The following RARB variants were observed in gnomAD, a reference collection of about 807,000 sequenced individuals.
The protein encoded by RARB is retinoic acid receptor beta.
A neutral mutation model predicts 51.9 loss-of-function variants in RARB; 17 were observed. The ratio of observed to expected loss-of-function variants is 0.33; its 90% confidence interval spans 0.22 to 0.49. RARB has a LOEUF of 0.49. Among genes scored for constraint, RARB ranks in the 20% least tolerant of loss-of-function variants. The probability of loss-of-function intolerance (pLI) is 0.99; values close to 1 mark genes in which losing one functional copy is unlikely to be tolerated. For synonymous variants in RARB, 215 were observed against 195.4 expected (o/e 1.10, Z -0.84); for missense variants, 369 against 550.8 (o/e 0.67, Z 3.30).
Position 25,233,341 on chromosome 3 carries a change from TC to T in RARB, c.178+58767del, listed in dbSNP as rs553012220. Reference sequence around the variant, plus strand: ...TAACCCCATCATAAGTCAAGGAGCATCTGTATAGTAAAACAAGTGATTTTTT... The same window carrying T: ...TAACCCCATCATAAGTCAAGGAGCATTGTATAGTAAAACAAGTGATTTTTT... On this transcript the variant is annotated intron_variant, in intron 5 of 11. Transcript: ENST00000383772. 2.1e-3 allele frequency among the ~76,000 whole-genome samples: 319 copies of T among 152,284 alleles called. 1 individual carries two copies. The highest frequency in any genetic ancestry group is 7.5e-3 in the African/African-American group (310 of 41,566).
chr3:25,175,596 C>T (rs556727147), intron 5 of RARB, among the ~76,000 whole-genome samples: 6 of 152,266 alleles, frequency 3.9e-5, no homozygotes, highest in South Asian at 2.1e-4. Context: ...GTAGAATCCC[C>T]GGTACATTGC....
chr3:25,276,524 T>C (rs1353772944), intron 5 of RARB, among the ~76,000 whole-genome samples: 1 of 152,244 alleles, frequency 6.6e-6, no homozygotes, highest in Non-Finnish European at 1.5e-5. Context: ...TTTAATTCCG[T>C]ATTTCATTTT....
chr3:25,223,336 A>G (rs1293754407), intron 5 of RARB, among the ~76,000 whole-genome samples: 3 of 152,196 alleles, frequency 2.0e-5, no homozygotes, highest in Non-Finnish European at 4.4e-5. Context: ...GCTGAACAGT[A>G]TTTCATTAGG....
intron 2 of RARB, among the ~76,000 whole-genome samples, chr3:24,987,683 A>G (rs1467725978): frequency 6.6e-6 from 1 of 152,198 alleles, no homozygotes; most frequent in Non-Finnish European, 1.5e-5. Flanking sequence ...ATCCTGGTGG[A>G]AAAAGATGAT....
intron 5 of RARB, among the ~76,000 whole-genome samples, chr3:25,376,725 A>G (rs1706472115): frequency 6.6e-6 from 1 of 152,220 alleles, no homozygotes; most frequent in African/African-American, 2.4e-5. Flanking sequence ...GTATCAGGCT[A>G]TCCCAAGAAT....
chr3:25,344,388 T>G (rs78883327), intron 5 of RARB, among the ~76,000 whole-genome samples: 4,002 of 152,290 alleles, frequency 0.026, 97 homozygotes, highest in South Asian at 0.13. Flanking sequence ...AGTGTTTATG[T>G]CTGAGAGATT....
At chr3:25,330,725 G>C (rs540765973) in intron 5 of RARB, among the ~76,000 whole-genome samples, 61 of 152,280 alleles carry the variant, frequency 4.0e-4, no homozygotes, top group African/African-American at 1.5e-3. Flanking sequence ...TGGCAAATTG[G>C]ATAAAGAGTC....
At chr3:25,487,388 A>G (rs956532824) in intron 2 of RARB, among the ~76,000 whole-genome samples, 6 of 152,088 alleles carry the variant, frequency 3.9e-5, no homozygotes, top group African/African-American at 1.4e-4. Flanking sequence ...TTAAAAGTGA[A>G]AAATAATCTG....
At chr3:25,480,185 C>G (rs943370910) in intron 2 of RARB, among the ~76,000 whole-genome samples, 1 of 152,168 alleles carries the variant, frequency 6.6e-6, no homozygotes, top group Admixed American at 6.5e-5. Flanking sequence ...CCACTGAAAT[C>G]CAGTTTCATC....
chr3:25,265,724 C>T (rs1042508989), intron 5 of RARB, among the ~76,000 whole-genome samples: 16 of 152,066 alleles, frequency 1.1e-4, no homozygotes, highest in African/African-American at 2.7e-4. Context: ...CACACGCCTC[C>T]GCCTCCCAAA....
chr3:25,284,923 A>G (rs547380191), intron 5 of RARB, among the ~76,000 whole-genome samples: 5 of 152,316 alleles, frequency 3.3e-5, no homozygotes, highest in African/African-American at 1.2e-4. Flanking sequence ...GAGTCCTGGA[A>G]GCAACAAGGG....
chr3:25,015,776 ATGAAC>A (rs1449594161), intron 2 of RARB, among the ~76,000 whole-genome samples: 1 of 152,206 alleles, frequency 6.6e-6, no homozygotes, highest in Admixed American at 6.5e-5. Flanking sequence ...GCATGTGAAT[ATGAAC>A]TGCCAAGCAT....
intron 2 of RARB, among the ~76,000 whole-genome samples, chr3:24,902,660 TG>T (rs1345896421): frequency 3.3e-5 from 5 of 151,980 alleles, no homozygotes; most frequent in African/African-American, 1.2e-4. Flanking sequence ...CTCTGGTCTC[TG>T]TCTCTCTTTC....
intron 3 of RARB, among the ~76,000 whole-genome samples, chr3:25,559,051 C>A (rs1436125580): frequency 6.6e-6 from 1 of 152,092 alleles, no homozygotes; most frequent in African/African-American, 2.4e-5. Flanking sequence ...TCTCCCCCAT[C>A]CAGAATGTTT....
intron 2 of RARB, among the ~76,000 whole-genome samples, chr3:25,043,720 C>T (rs1698158514): frequency 6.6e-6 from 1 of 151,992 alleles, no homozygotes; most frequent in Non-Finnish European, 1.5e-5. Context: ...GCAAAGGTAC[C>T]CTTAAGCATT....
intron 2 of RARB, among the ~76,000 whole-genome samples, chr3:25,469,049 A>G (rs556845031): frequency 6.6e-6 from 1 of 151,960 alleles, no homozygotes; most frequent in Non-Finnish European, 1.5e-5. Context: ...AAGAGTTTAA[A>G]CTCCACTAGC....
At chr3:24,860,772 A>G (rs911553090) in intron 2 of RARB, among the ~76,000 whole-genome samples, 11 of 152,164 alleles carry the variant, frequency 7.2e-5, no homozygotes, top group Admixed American at 3.9e-4. Context: ...GTCAGGTGAT[A>G]ATGTGCTGTG....
chr3:25,381,734 G>A (rs1276076958), intron 5 of RARB, among the ~76,000 whole-genome samples: 1 of 152,186 alleles, frequency 6.6e-6, no homozygotes, highest in Non-Finnish European at 1.5e-5. Flanking sequence ...CATTACCTGG[G>A]AATCTGTTAG....
chr3:24,922,980 A>G (rs1003869031), intron 2 of RARB, among the ~76,000 whole-genome samples: 7 of 152,326 alleles, frequency 4.6e-5, no homozygotes, highest in South Asian at 4.1e-4. Flanking sequence ...CAAAGAGACT[A>G]TATTTTTTCT....
Sources: gnomAD v4.1 joint callset for allele counts (sites outside exome capture counted in the v4.1 genomes callset) on GRCh38, gnomAD v4.1.1 for gene constraint, MANE v1.5 for transcripts, NCBI Gene and HGNC (gene_info 2026-07-23, HGNC 2026-07-21) for gene names.